The following RAD51AP1 variants were observed in gnomAD, a reference collection of about 807,000 sequenced individuals.
RAD51AP1 encodes RAD51-associated protein 1.
A neutral mutation model predicts 34.3 loss-of-function variants in RAD51AP1; 14 were observed. The ratio of observed to expected loss-of-function variants is 0.41; its 90% confidence interval spans 0.27 to 0.64. RAD51AP1 has a LOEUF of 0.64. Ranked by LOEUF, RAD51AP1 falls within the 30% of genes least tolerant of loss-of-function variation. The pLI, the probability that RAD51AP1 is intolerant of heterozygous loss-of-function variation, is 0.33. For missense variants in RAD51AP1, 348 were observed against 386.9 expected (o/e 0.90, Z 0.84); for synonymous variants, 114 against 129.8 (o/e 0.88, Z 0.83).
chr12:4,545,330 T>C, intron 3 of RAD51AP1: 1 of 371,812 alleles, frequency 2.7e-6, no homozygotes, highest in Admixed American at 3.3e-5. Context: ...ATTACATGAT[T>C]TCATTTGCAT....
chr12:4,543,083 C>T (rs1362583127), intron 2 of RAD51AP1, among the ~76,000 whole-genome samples: 1 of 151,720 alleles, frequency 6.6e-6, no homozygotes, highest in African/African-American at 2.4e-5. Context: ...TTTTTTGAGA[C>T]GGAGTCTCAC....
intron 8 of RAD51AP1, among the ~76,000 whole-genome samples, chr12:4,557,805 T>C (rs1014799787): frequency 6.6e-6 from 1 of 152,102 alleles, no homozygotes; most frequent in African/African-American, 2.4e-5. Context: ...GTAGGAATTT[T>C]GTTGGACTCA....
Position 4,559,191 on chromosome 12 carries a change from G to C in RAD51AP1, c.*198G>C, listed in dbSNP as rs910403673. The C allele has an allele frequency of 3.5e-6, 2 of 576,716 alleles. No homozygotes were observed. The allele number at this position is 576,716 out of a possible 1,614,324, so 35.7% of individuals were successfully genotyped here. A position where few individuals can be genotyped will look rare whatever the true frequency, so the allele number is the denominator to read the frequency against. ...ACTTCAATGAGAAGTTTGTTTATAA[G>C]AATTATCTTCTCATACCTTTCCTTG... is the stretch of plus-strand genomic sequence containing the variant. On this transcript the variant is annotated 3_prime_UTR_variant, in exon 9 of 9. Coordinates refer to ENST00000352618, the MANE Select transcript of RAD51AP1 (RefSeq NM_006479.5).
At chr12:4,554,961 T>C (rs1944571928) in intron 7 of RAD51AP1, among the ~76,000 whole-genome samples, 1 of 152,214 alleles carries the variant, frequency 6.6e-6, no homozygotes, top group Non-Finnish European at 1.5e-5. Flanking sequence ...AGTAACTGTA[T>C]ATGGCTAGCG....
chr12:4,544,343 C>T (rs1202652827), intron 3 of RAD51AP1, among the ~76,000 whole-genome samples: 1 of 152,046 alleles, frequency 6.6e-6, no homozygotes, highest in Non-Finnish European at 1.5e-5. Flanking sequence ...AAGATTTATC[C>T]AGCAGTGAGA....
intron 5 of RAD51AP1, 23 bp downstream of exon 5, chr12:4,548,201 T>C: frequency 1.3e-6 from 2 of 1,584,082 alleles, no homozygotes; most frequent in Non-Finnish European, 1.7e-6. Context: ...TATTAATAAT[T>C]TTTCTCATCA....
Position 4,548,697 on chromosome 12 carries a change from G to A in RAD51AP1, c.417G>A (p.Lys139=). 1.2e-6 allele frequency: 2 copies of A among 1,613,298 alleles called. No individual in the cohort carries two copies. Among genetic ancestry groups the A allele is most frequent in the East Asian group, 2.2e-5 (1 of 44,870 alleles). The change falls in exon 6 of 9, where the codon AAG becomes AAA. Residue 139 remains lysine (K), a synonymous_variant. Coordinates refer to ENST00000352618, the MANE Select transcript of RAD51AP1 (RefSeq NM_006479.5). ...ATGCCTCTCCTGAAGATTTGGATAA[G>A]ATTACTGTGGAAGATGATGTTGGTG... ...SVASDYLDLD[K]ITVEDDVGGV...
At chr12:4,550,316 C>T (rs1944537130) in intron 6 of RAD51AP1, among the ~76,000 whole-genome samples, 1 of 152,218 alleles carries the variant, frequency 6.6e-6, no homozygotes, top group Non-Finnish European at 1.5e-5. Flanking sequence ...ATCCTTCAGA[C>T]TTCTAAGTTA....
intron 6 of RAD51AP1, among the ~76,000 whole-genome samples, chr12:4,549,138 G>A (rs1944528159): frequency 6.6e-6 from 1 of 152,196 alleles, no homozygotes; most frequent in Non-Finnish European, 1.5e-5. Context: ...CTCTAACTGA[G>A]GCTTGCTGGG....
intron 7 of RAD51AP1, among the ~76,000 whole-genome samples, chr12:4,555,488 A>G (rs1944575618): frequency 6.6e-6 from 1 of 152,166 alleles, no homozygotes; most frequent in Admixed American, 6.5e-5. Flanking sequence ...CTCCTGAGAA[A>G]AATATGTGCA....
intron 7 of RAD51AP1, among the ~76,000 whole-genome samples, chr12:4,555,447 C>A (rs1195031796): frequency 6.6e-6 from 1 of 152,148 alleles, no homozygotes; most frequent in African/African-American, 2.4e-5. Flanking sequence ...CCTACACTAC[C>A]ACCAGAAAGA....
chr12:4,558,803 C>A (rs1235623242), intron 8 of RAD51AP1, 54 bp from the exon 9 acceptor site: 11 of 1,577,442 alleles, frequency 7.0e-6, no homozygotes, highest in Admixed American at 1.8e-5. Flanking sequence ...ATAAATTAAT[C>A]TTTGTTAAGA....
intron 7 of RAD51AP1, 75 bp downstream of exon 7, chr12:4,553,222 G>A (rs1944559042): frequency 3.9e-6 from 5 of 1,283,952 alleles, no homozygotes; most frequent in Non-Finnish European, 5.3e-6. Context: ...TCTTATTTTT[G>A]CCTTTGTTCT....
chr12:4,548,587 G>A lies in RAD51AP1; in HGVS notation c.407-100G>A, dbSNP rs1422439787. The A allele has an allele frequency of 4.4e-6, 6 of 1,377,452 alleles. No individual in the cohort carries two copies. In the East Asian group the frequency reaches 9.3e-5, roughly 21 times the overall value. The allele number at this position is 1,377,452 out of a possible 1,614,324, so 85.3% of individuals were successfully genotyped here. A position where few individuals can be genotyped will look rare whatever the true frequency, so the allele number is the denominator to read the frequency against. On this transcript the variant is annotated intron_variant, in intron 5 of 8. Coordinates refer to ENST00000352618, the MANE Select transcript of RAD51AP1 (RefSeq NM_006479.5). ...TGGAAGCATGGGAGGGATGAACCTGGGCAAATAAAAACAATAGCTGTAATA... is the reference window on the plus strand; with the variant it reads ...TGGAAGCATGGGAGGGATGAACCTGAGCAAATAAAAACAATAGCTGTAATA...
chr12:4,554,392 C>CT (rs1329904439), intron 7 of RAD51AP1, among the ~76,000 whole-genome samples: 3 of 152,244 alleles, frequency 2.0e-5, no homozygotes, highest in Non-Finnish European at 4.4e-5. Context: ...TTAATTACAT[C>CT]TGCAAAGTCC....
intron 6 of RAD51AP1, among the ~76,000 whole-genome samples, chr12:4,549,843 G>A (rs920324589): frequency 5.3e-5 from 8 of 152,174 alleles, no homozygotes; most frequent in African/African-American, 1.9e-4. Flanking sequence ...ATATGATCTA[G>A]CAATCCACTT....
chr12:4,540,671 AT>A (rs1247560835), intron 1 of RAD51AP1, among the ~76,000 whole-genome samples: 1 of 152,028 alleles, frequency 6.6e-6, no homozygotes, highest in African/African-American at 2.4e-5. Context: ...TATTGATTTT[AT>A]TTTACTATTA....
At chr12:4,551,506 A>G (rs979196956) in intron 6 of RAD51AP1, among the ~76,000 whole-genome samples, 9 of 151,780 alleles carry the variant, frequency 5.9e-5, no homozygotes, top group Non-Finnish European at 7.4e-5. Flanking sequence ...AAAAAAAAAA[A>G]AAAAAGCAAG....
chr12:4,541,918 C>T lies in RAD51AP1; in HGVS notation c.52C>T (p.His18Tyr). The change falls in exon 2 of 9, where the codon CAC (histidine) becomes TAC (tyrosine). Residue 18 changes from histidine to tyrosine, a missense_variant. Physicochemically the swap from His to Tyr is moderately conservative, Grantham distance 83. Coordinates refer to ENST00000352618, the MANE Select transcript of RAD51AP1 (RefSeq NM_006479.5). ...KKPVNYSQFD[H>Y]SDSDDDFVSA... ...ACCAGTCAATTACTCACAGTTTGAC[C>T]ACTCTGACAGTGATGGTAAGTAAAG... 1 of 1,525,188 alleles carries T rather than the reference C, an allele frequency of 6.6e-7. No homozygotes were observed. Among genetic ancestry groups the T allele is most frequent in the Admixed American group, 2.0e-5 (1 of 50,998 alleles). 94.5% of individuals were successfully genotyped at this position (1,525,188 alleles called of 1,614,324 possible).
Sources: gnomAD v4.1 joint callset for allele counts (sites outside exome capture counted in the v4.1 genomes callset) on GRCh38, gnomAD v4.1.1 for gene constraint, MANE v1.5 for transcripts, NCBI Gene and HGNC (gene_info 2026-07-23, HGNC 2026-07-21) for gene names.